Variants in LDB2 observed in about 807,000 individuals in gnomAD.
LDB2 encodes the protein LIM domain binding 2.
A neutral mutation model predicts 44.3 loss-of-function variants in LDB2; 12 were observed. The observed-to-expected ratio is 0.27, with a 90% CI of 0.17 to 0.44. The LOEUF is 0.44. Among genes scored for constraint, LDB2 ranks in the 20% least tolerant of loss-of-function variants. LDB2 has a pLI of 1.00. For missense variants in LDB2, 344 were observed against 473.5 expected (o/e 0.73, Z 2.54); for synonymous variants, 164 against 174.8 (o/e 0.94, Z 0.49).
At chr4:16,868,385 T>A (rs1337961624) in intron 1 of LDB2, among the ~76,000 whole-genome samples, 1 of 152,192 alleles carries the variant, frequency 6.6e-6, no homozygotes, top group Non-Finnish European at 1.5e-5. Context: ...TAACATCTGC[T>A]GACGGGGGTG....
rs1197439226 is a variant in LDB2, at chr4:16,666,354, C to CA, written c.236-70480dup. ...TGCTGCCCAAGGCAGAATCAGAAGG[C>CA]AAAAAAAAAGGCTACGCTGAGAAGA... On this transcript the variant is annotated intron_variant, in intron 2 of 7. Transcript: ENST00000304523. Among the ~76,000 whole-genome samples, 40 of 149,502 alleles carry CA rather than the reference C, an allele frequency of 2.7e-4. 1 individual carries two copies. Among genetic ancestry groups the CA allele is most frequent in the South Asian group, 6.4e-4 (3 of 4,722 alleles).
At chr4:16,806,867 C>A (rs762857075) in intron 1 of LDB2, among the ~76,000 whole-genome samples, 1 of 152,180 alleles carries the variant, frequency 6.6e-6, no homozygotes, top group Non-Finnish European at 1.5e-5. Context: ...ATTTTCTCAT[C>A]TACACAATAG....
At position 16,503,317 on chromosome 4, in the gene LDB2, C is replaced by T. The variant is rs116600875; in HGVS notation, c.892-444G>A. On this transcript the variant is annotated intron_variant, in intron 7 of 7. Transcript: ENST00000304523. ...GAAACTAGCAGTGACCGGAGACACA[C>T]GTAAGGTGCAATTCTGCAATATTCA... Among the ~76,000 whole-genome samples the T allele has an allele frequency of 7.9e-3, 1,200 of 152,120 alleles. 12 individuals are homozygous for T. The highest frequency in any genetic ancestry group is 0.027 in the African/African-American group (1,126 of 41,472).
intron 1 of LDB2, among the ~76,000 whole-genome samples, chr4:16,885,761 G>C (rs997210562): frequency 6.6e-6 from 1 of 152,128 alleles, no homozygotes; most frequent in Admixed American, 6.5e-5. Context: ...AGAAAGAAAA[G>C]CAGAAATAAA....
chr4:16,624,580 T>G (rs963580197), intron 2 of LDB2, among the ~76,000 whole-genome samples: 53 of 152,206 alleles, frequency 3.5e-4, no homozygotes, highest in African/African-American at 1.3e-3. Context: ...TAAAAAAGAC[T>G]GAGGCTTAGA....
intron 1 of LDB2, among the ~76,000 whole-genome samples, chr4:16,857,917 C>T (rs1389541385): frequency 6.6e-6 from 1 of 152,058 alleles, no homozygotes; most frequent in Admixed American, 6.5e-5. Flanking sequence ...TCCCTCCCTC[C>T]CTCCCCTCAG....
At chr4:16,811,524 G>A (rs1358658070) in intron 1 of LDB2, among the ~76,000 whole-genome samples, 1 of 151,992 alleles carries the variant, frequency 6.6e-6, no homozygotes, top group Non-Finnish European at 1.5e-5. Context: ...TTAGGGAAAG[G>A]GCATTTACTA....
At chr4:16,537,474 T>C (rs1367026233) in intron 5 of LDB2, among the ~76,000 whole-genome samples, 1 of 152,222 alleles carries the variant, frequency 6.6e-6, no homozygotes, top group Non-Finnish European at 1.5e-5. Flanking sequence ...ATGAGTTCTC[T>C]CCATTCTTCT....
intron 1 of LDB2, among the ~76,000 whole-genome samples, chr4:16,842,543 G>A (rs373475629): frequency 5.3e-5 from 8 of 152,128 alleles, no homozygotes; most frequent in African/African-American, 1.9e-4. Context: ...ATTTATTAAG[G>A]CACTCAGATA....
chr4:16,528,092 G>A (rs1728867883), intron 5 of LDB2, among the ~76,000 whole-genome samples: 1 of 152,138 alleles, frequency 6.6e-6, no homozygotes, highest in Admixed American at 6.6e-5. Context: ...ATTATCCTAA[G>A]TTAAGTAACT....
chr4:16,759,563 G>A (rs952561114), intron 1 of LDB2, among the ~76,000 whole-genome samples: 5 of 151,966 alleles, frequency 3.3e-5, no homozygotes, highest in African/African-American at 1.2e-4. Context: ...TTGACAAAAG[G>A]GTTTGCATTT....
intron 2 of LDB2, among the ~76,000 whole-genome samples, chr4:16,741,722 C>A (rs1763286814): frequency 6.6e-6 from 1 of 152,178 alleles, no homozygotes; most frequent in African/African-American, 2.4e-5. Flanking sequence ...CCTCTACACA[C>A]CCCATGCCAA....
At chr4:16,547,423 T>C (rs1736147246) in intron 5 of LDB2, among the ~76,000 whole-genome samples, 1 of 152,152 alleles carries the variant, frequency 6.6e-6, no homozygotes, top group African/African-American at 2.4e-5. Context: ...GAAATGGATA[T>C]ATTCACCCAA....
chr4:16,554,714 G>A (rs945273803), intron 5 of LDB2, among the ~76,000 whole-genome samples: 16 of 152,182 alleles, frequency 1.1e-4, no homozygotes, highest in Non-Finnish European at 2.9e-5. Context: ...TTCTAGAAAA[G>A]GCAAAACTAT....
chr4:16,631,045 G>T (rs1731794858), intron 2 of LDB2, among the ~76,000 whole-genome samples: 1 of 152,062 alleles, frequency 6.6e-6, no homozygotes, highest in Admixed American at 6.6e-5. Flanking sequence ...AATGAACAAG[G>T]ATATCCAGGA....
chr4:16,517,737 G>A (rs1450393435), intron 5 of LDB2, among the ~76,000 whole-genome samples: 2 of 152,192 alleles, frequency 1.3e-5, no homozygotes, highest in African/African-American at 4.8e-5. Flanking sequence ...AAGTTCCAAG[G>A]ACACCTTTTT....
intron 1 of LDB2, among the ~76,000 whole-genome samples, chr4:16,869,997 G>A (rs567869898): frequency 9.9e-5 from 15 of 152,284 alleles, no homozygotes; most frequent in Admixed American, 2.6e-4. Context: ...TCAGCGTGAT[G>A]GTGACATGAG....
At chr4:16,873,444 G>A (rs1449151193) in intron 1 of LDB2, among the ~76,000 whole-genome samples, 3 of 152,168 alleles carry the variant, frequency 2.0e-5, no homozygotes, top group East Asian at 1.9e-4. Context: ...CCTGGCATTC[G>A]GCCTGGGGTT....
intron 5 of LDB2, among the ~76,000 whole-genome samples, chr4:16,577,901 A>G (rs1380978489): frequency 3.3e-5 from 5 of 152,218 alleles, no homozygotes; most frequent in African/African-American, 1.2e-4. Context: ...AGAACATACA[A>G]ATAAATCCAT....
Sources: gnomAD v4.1 joint callset for allele counts (sites outside exome capture counted in the v4.1 genomes callset) on GRCh38, gnomAD v4.1.1 for gene constraint, MANE v1.5 for transcripts, NCBI Gene and HGNC (gene_info 2026-07-23, HGNC 2026-07-21) for gene names.